PCDHGB1: variants seen among roughly 807,000 people sequenced by gnomAD.
The protein encoded by PCDHGB1 is protocadherin gamma-B1.
In PCDHGB1, 34 loss-of-function variants were observed where a neutral mutation model predicts 56.6. The observed-to-expected ratio is 0.60, with a 90% CI of 0.46 to 0.80. The LOEUF is 0.80. Ranked by LOEUF, PCDHGB1 falls within the 30% of genes least tolerant of loss-of-function variation. The pLI is 0.00. For missense variants in PCDHGB1, 1,278 were observed against 1,204.6 expected, an observed-to-expected ratio of 1.06 and a Z score of -0.90; for synonymous variants, 561 against 505.9, an observed-to-expected ratio of 1.11 and a Z score of -1.46.
At chr5:141,395,186 G>A in intron 1 of PCDHGB1, 1 of 1,614,086 alleles carries the variant, frequency 6.2e-7, no homozygotes, top group Non-Finnish European at 8.5e-7. Flanking sequence ...ATGATTCTTT[G>A]TTAACATCCG....
rs746834673 is a variant in PCDHGB1, at chr5:141,394,045, A to G, written c.2409+41376A>G. ...AGATTAGTGACAAGGAAATATTTGG[A>G]CCGAGAAAATGTCTCTATCTACAAT... On this transcript the variant is annotated intron_variant, in intron 1 of 3. Transcript: ENST00000523390. 6 of 1,613,706 alleles carry G rather than the reference A, an allele frequency of 3.7e-6. No individual in the cohort carries two copies. The highest frequency in any genetic ancestry group is 1.6e-4 in the Middle Eastern group (1 of 6,062).
chr5:141,432,449 T>C lies in PCDHGB1; in HGVS notation c.2410-62358T>C. 5.6e-6 allele frequency: 9 copies of C among 1,614,220 alleles called. No individual in the cohort carries two copies. The highest frequency in any genetic ancestry group is 7.6e-6 in the Non-Finnish European group (9 of 1,180,038). On this transcript the variant is annotated intron_variant, in intron 1 of 3. Coordinates refer to ENST00000523390, the MANE Select transcript of PCDHGB1 (RefSeq NM_018922.3). The surrounding 1 kb of genome is among the most constrained non-coding windows in gnomAD (Gnocchi z 6.0). The stretch of plus-strand genomic sequence containing the variant: ...GAACGACAATGCGCCCGAGATCCTG[T>C]ACCCCGCCCTCCCCACGGACGGTTC...
chr5:141,396,962 T>C (rs2150689685), intron 1 of PCDHGB1, among the ~76,000 whole-genome samples: 1 of 152,308 alleles, frequency 6.6e-6, no homozygotes, highest in South Asian at 2.1e-4. Flanking sequence ...ATCCTTACTC[T>C]CCCTAAAAAT....
intron 1 of PCDHGB1, chr5:141,388,812 G>C (rs775037681): frequency 6.2e-7 from 1 of 1,613,934 alleles, no homozygotes. Flanking sequence ...TTTTGAAGAA[G>C]TCAAAGAATA....
At position 141,350,206 on chromosome 5, in the gene PCDHGB1, C is replaced by A. The variant is rs1304389035; in HGVS notation, c.-55C>A. On this transcript the variant is annotated 5_prime_UTR_variant, in exon 1 of 4. Transcript: ENST00000523390. The stretch of plus-strand genomic sequence containing the variant: ...AAATCACAGAAGTCCAGGGTGCTGC[C>A]ATTTCTTTTTGAAAAACATCCCAGA... 6.8e-7 allele frequency: 1 copy of A among 1,466,600 alleles called. No homozygotes were observed. Among genetic ancestry groups the A allele is most frequent in the Non-Finnish European group, 9.1e-7 (1 of 1,103,662 alleles). 90.8% of individuals were successfully genotyped at this position (1,466,600 alleles called of 1,614,324 possible).
Position 141,366,331 on chromosome 5 carries a change from G to C in PCDHGB1, c.2409+13662G>C, listed in dbSNP as rs1425078679. 11 of 1,613,846 alleles carry C rather than the reference G, an allele frequency of 6.8e-6. No homozygotes were observed. In the East Asian group the frequency reaches 1.6e-4, roughly 23 times the overall value. On this transcript the variant is annotated intron_variant, in intron 1 of 3. Coordinates refer to ENST00000523390, the MANE Select transcript of PCDHGB1 (RefSeq NM_018922.3). The stretch of plus-strand genomic sequence containing the variant: ...CGGTCACCGTTGCCGTGGCCGACAG[G>C]ATCCCTGACATCCTGGCTGACCTAG...
chr5:141,355,192 G>A, intron 1 of PCDHGB1: 5 of 1,592,970 alleles, frequency 3.1e-6, no homozygotes, highest in African/African-American at 1.3e-5. Context: ...ACTCCGCGGC[G>A]GGGTTGTAAT....
In PCDHGB1 at chr5:141,487,102, G is replaced by C; in HGVS notation, c.2410-7705G>C. The C allele has an allele frequency of 6.2e-7, 1 of 1,613,900 alleles. No homozygotes were observed. Among genetic ancestry groups the C allele is most frequent in the Non-Finnish European group, 8.5e-7 (1 of 1,179,818 alleles). ...CAGCTGACCTCCCACCACAGAAGCTGGTCATTGTGGTAAAGGATAGTGGTA... is the reference window on the plus strand; with the variant it reads ...CAGCTGACCTCCCACCACAGAAGCTCGTCATTGTGGTAAAGGATAGTGGTA... On this transcript the variant is annotated intron_variant, in intron 1 of 3. Transcript: ENST00000523390. This position sits in a 1 kb window ranked among gnomAD's most constrained non-coding sequence, Gnocchi z 5.0.
intron 1 of PCDHGB1, among the ~76,000 whole-genome samples, chr5:141,444,395 T>A (rs960583048): frequency 1.3e-5 from 2 of 151,996 alleles, no homozygotes; most frequent in Non-Finnish European, 2.9e-5. Context: ...AGTCTTGAAC[T>A]CCCAACCTCA....
chr5:141,370,196 T>C (rs1298112145), intron 1 of PCDHGB1: 4 of 533,354 alleles, frequency 7.5e-6, no homozygotes, highest in Admixed American at 3.6e-5. Context: ...GCTAGTGCTG[T>C]GCAAAATATT....
chr5:141,511,381 G>A lies in PCDHGB1; in HGVS notation c.*208G>A, dbSNP rs545793377. 97 of 1,170,372 alleles carry A rather than the reference G, an allele frequency of 8.3e-5. No homozygotes were observed. In the East Asian group the frequency reaches 9.2e-4, roughly 11 times the overall value. 72.5% of individuals were successfully genotyped at this position (1,170,372 alleles called of 1,614,324 possible). On this transcript the variant is annotated 3_prime_UTR_variant, in exon 4 of 4. Transcript: ENST00000523390. ...GGGTTGAATATGCAAAAGCAGTTCC[G>A]CTGGGAACCCCCATCCAATCAACTG...
At chr5:141,370,903 A>C (rs1767302300) in intron 1 of PCDHGB1, 20 of 1,614,048 alleles carry the variant, frequency 1.2e-5, no homozygotes, top group Non-Finnish European at 1.5e-5. Context: ...CTGCAGCAGT[A>C]CTACCTCAGC....
At chr5:141,459,846 A>G (rs945742948) in intron 1 of PCDHGB1, among the ~76,000 whole-genome samples, 1 of 152,170 alleles carries the variant, frequency 6.6e-6, no homozygotes, top group Admixed American at 6.5e-5. Context: ...CTATTTGTAT[A>G]TCTTCTTGAA....
intron 1 of PCDHGB1, chr5:141,478,484 C>T (rs376021397): frequency 6.2e-7 from 1 of 1,613,458 alleles, no homozygotes; most frequent in South Asian, 1.1e-5. Flanking sequence ...GAACACGCTG[C>T]GGAGCTGTGA....
rs1269660369 is a variant in PCDHGB1 at position 141,408,454 on chromosome 5, A to T, written c.2409+55785A>T. On this transcript the variant is annotated intron_variant, in intron 1 of 3. Transcript: ENST00000523390. ...GCGTAGACGCGGAGAGCGGGGACTT[A>T]CTTGTGAAGAACCGAATAGACCGTG... The T allele has an allele frequency of 4.3e-6, 7 of 1,613,934 alleles. No homozygotes were observed. The African/African-American group carries it at 9.3e-5, about 22-fold the overall frequency.
intron 1 of PCDHGB1, chr5:141,362,496 G>A: frequency 1.2e-6 from 2 of 1,614,004 alleles, no homozygotes; most frequent in South Asian, 1.1e-5. Context: ...ATGCCTCTTG[G>A]GAACAAAATA....
At chr5:141,439,668 A>C (rs944454917) in intron 1 of PCDHGB1, among the ~76,000 whole-genome samples, 1 of 152,230 alleles carries the variant, frequency 6.6e-6, no homozygotes, top group Non-Finnish European at 1.5e-5. Context: ...CATGGAATGC[A>C]AATCCAAGAG....
At chr5:141,510,682 G>C (rs1014890367) in intron 3 of PCDHGB1, among the ~76,000 whole-genome samples, 2 of 152,154 alleles carry the variant, frequency 1.3e-5, no homozygotes, top group Non-Finnish European at 2.9e-5. Context: ...GTGGCATAAG[G>C]AGGTTAGGTA....
At chr5:141,503,178 T>C (rs988629461) in intron 2 of PCDHGB1, among the ~76,000 whole-genome samples, 56 of 151,998 alleles carry the variant, frequency 3.7e-4, no homozygotes, top group African/African-American at 1.3e-3. Flanking sequence ...TACTCTATTG[T>C]GTAATTATTT....
Sources: allele counts gnomAD v4.1 joint callset (sites outside exome capture counted in the v4.1 genomes callset), GRCh38; gene constraint gnomAD v4.1.1; non-coding constraint Gnocchi (gnomAD v3.1); transcripts MANE v1.5; gene names NCBI Gene and HGNC (gene_info 2026-07-23, HGNC 2026-07-21).